PCDHGB2: variants seen among roughly 807,000 people sequenced by gnomAD.
PCDHGB2 encodes protocadherin gamma subfamily B, 2, also known as protocadherin gamma-B2.
A neutral mutation model predicts 59.3 loss-of-function variants in PCDHGB2; 55 were observed. The observed-to-expected ratio is 0.93, with a 90% CI of 0.75 to 1.16. The LOEUF is 1.16. Among genes scored for constraint, PCDHGB2 ranks in the 50% most tolerant of loss-of-function variants. The pLI is 0.00. For synonymous variants in PCDHGB2, 516 were observed against 512.0 expected, an observed-to-expected ratio of 1.01 and a Z score of -0.11; for missense variants, 1,228 against 1,198.5, an observed-to-expected ratio of 1.02 and a Z score of -0.36.
At chr5:141,468,346 A>AG (rs2099164784) in intron 1 of PCDHGB2, 33 of 147,324 alleles carry the variant, frequency 2.2e-4, no homozygotes, top group Middle Eastern at 6.9e-3. Flanking sequence ...AAAAAAAAAA[A>AG]AAAGAAAGAA....
intron 1 of PCDHGB2, chr5:141,378,091 TC>T (rs1774623141): frequency 6.6e-6 from 1 of 152,230 alleles, no homozygotes; most frequent in African/African-American, 2.4e-5. Flanking sequence ...TAACTTTTTT[TC>T]AAACTCTAAA....
At chr5:141,385,260 A>G (rs1337413063) in intron 1 of PCDHGB2, 1 of 1,613,648 alleles carries the variant, frequency 6.2e-7, no homozygotes, top group African/African-American at 1.3e-5. Flanking sequence ...GCTGTGAGAA[A>G]AATGATTCTT....
At chr5:141,419,808 G>A in intron 1 of PCDHGB2, 2 of 1,614,066 alleles carry the variant, frequency 1.2e-6, no homozygotes, top group Non-Finnish European at 8.5e-7. Flanking sequence ...AGAGATGGAG[G>A]ACAGCCACCC....
rs776269447 is a variant in PCDHGB2, at chr5:141,361,591, C to T, written c.1456C>T (p.Gln486Ter). Residue 486 changes from glutamine to a stop codon, truncating the protein, a stop_gained, in exon 1 of 4, where the codon CAA becomes TAA. Transcript: ENST00000522605. LOFTEE classifies it high-confidence loss of function. Reference protein sequence around the residue: ...ASDPDLGPSGQVSYSIVASDL... With the variant: ...ASDPDLGPSG Reference sequence around the variant, plus strand: ...TGACCCTGACTTGGGCCCCAGTGGCCAAGTTTCCTACTCCATCGTAGCGAG... The same window carrying T: ...TGACCCTGACTTGGGCCCCAGTGGCTAAGTTTCCTACTCCATCGTAGCGAG... 1.9e-6 allele frequency: 3 copies of T among 1,614,050 alleles called. No individual in the cohort carries two copies. Among genetic ancestry groups the T allele is most frequent in the South Asian group, 1.1e-5 (1 of 91,086 alleles).
At chr5:141,510,169 A>G (rs927072830) in intron 3 of PCDHGB2, among the ~76,000 whole-genome samples, 7 of 151,230 alleles carry the variant, frequency 4.6e-5, no homozygotes, top group Non-Finnish European at 1.0e-4. Context: ...GCTACTCAGG[A>G]GGTTGAGGCA....
At chr5:141,395,088 C>G (rs778953049) in intron 1 of PCDHGB2, 31 of 1,614,076 alleles carry the variant, frequency 1.9e-5, no homozygotes, top group East Asian at 6.7e-5. Flanking sequence ...GGAAGTCTCC[C>G]TCACCGCCGA....
chr5:141,374,945 A>G, intron 1 of PCDHGB2: 1 of 1,614,034 alleles, frequency 6.2e-7, no homozygotes, highest in Non-Finnish European at 8.5e-7. Flanking sequence ...TACAGAAAAG[A>G]TCTCACAAAT....
rs974732178 is a variant in PCDHGB2 at position 141,374,708 on chromosome 5, C to A, written c.2421+12152C>A. On this transcript the variant is annotated intron_variant, in intron 1 of 3. Coordinates refer to ENST00000522605, the MANE Select transcript of PCDHGB2 (RefSeq NM_018923.3). ...GGACCGGGAAGGAGAAGCCGTTTACCGCCTGGTCCTTACTGCCATGGATGG... is the reference window on the plus strand; with the variant it reads ...GGACCGGGAAGGAGAAGCCGTTTACAGCCTGGTCCTTACTGCCATGGATGG... 1.8e-5 allele frequency: 29 copies of A among 1,609,028 alleles called. No individual in the cohort carries two copies. In the Admixed American group the frequency reaches 3.1e-4, roughly 17 times the overall value.
chr5:141,455,140 A>G (rs1465733732), intron 1 of PCDHGB2, among the ~76,000 whole-genome samples: 1 of 150,512 alleles, frequency 6.6e-6, no homozygotes, highest in Non-Finnish European at 1.5e-5. Context: ...ACACTGTGTT[A>G]AATAAATATT....
At chr5:141,395,620 CAAG>C (rs1298520628) in intron 1 of PCDHGB2, 1 of 189,326 alleles carries the variant, frequency 5.3e-6, no homozygotes, top group Non-Finnish European at 1.1e-5. Flanking sequence ...AGAAAATTAT[CAAG>C]AAGTCTAAAG....
chr5:141,399,274 C>T, intron 1 of PCDHGB2: 1 of 1,613,848 alleles, frequency 6.2e-7, no homozygotes, highest in Non-Finnish European at 8.5e-7. Context: ...TTGTCAATTA[C>T]AAGGCGAAGT....
At chr5:141,414,059 A>C (rs1008514691) in intron 1 of PCDHGB2, 1 of 1,609,440 alleles carries the variant, frequency 6.2e-7, no homozygotes, top group East Asian at 2.2e-5. Flanking sequence ...CAATTGTTGA[A>C]GTTCCAACTA....
rs1591227595 is a variant in PCDHGB2 at position 141,432,858 on chromosome 5, T to C, written c.2422-61949T>C. ...TACCTGGTGGTAGCGGTGGCCGCGG[T>C]CTCCTGCGTCTTCCTGGCCTTCGTC... On this transcript the variant is annotated intron_variant, in intron 1 of 3. Coordinates refer to ENST00000522605, the MANE Select transcript of PCDHGB2 (RefSeq NM_018923.3). This position sits in a 1 kb window ranked among gnomAD's most constrained non-coding sequence, Gnocchi z 6.0. The C allele has an allele frequency of 1.2e-6, 2 of 1,614,140 alleles. No individual in the cohort carries two copies. Among genetic ancestry groups the C allele is most frequent in the Non-Finnish European group, 8.5e-7 (1 of 1,179,996 alleles).
At position 141,418,775 on chromosome 5, in the gene PCDHGB2, C is replaced by T. The variant is rs773519128; in HGVS notation, c.2421+56219C>T. 4 of 1,613,764 alleles carry T rather than the reference C, an allele frequency of 2.5e-6. No individual in the cohort carries two copies. In the East Asian group the frequency reaches 6.7e-5, roughly 27 times the overall value. ...TACAGGAAACATTCTAACTCAGCAG[C>T]CTTTGGATTTTGAAGAAGTAGAAAG... On this transcript the variant is annotated intron_variant, in intron 1 of 3. Transcript: ENST00000522605.
At chr5:141,435,728 A>T (rs549219746) in intron 1 of PCDHGB2, among the ~76,000 whole-genome samples, 1 of 152,200 alleles carries the variant, frequency 6.6e-6, no homozygotes, top group Non-Finnish European at 1.5e-5. Flanking sequence ...GCTAAAGTGT[A>T]TTACTCTTTG....
intron 1 of PCDHGB2, chr5:141,421,025 A>G: frequency 5.7e-6 from 3 of 526,286 alleles, no homozygotes; most frequent in East Asian, 3.2e-5. Context: ...GCTGCGCGCC[A>G]TTGAGTCCCT....
chr5:141,392,914 C>G (rs2092626800), intron 1 of PCDHGB2: 1 of 1,613,786 alleles, frequency 6.2e-7, no homozygotes. Context: ...ATTCGCTACT[C>G]TGTGCCAGAA....
chr5:141,494,074 C>A (rs2099751716), intron 1 of PCDHGB2, among the ~76,000 whole-genome samples: 1 of 152,180 alleles, frequency 6.6e-6, no homozygotes, highest in Non-Finnish European at 1.5e-5. Context: ...GGATCCCTCC[C>A]CGCTGCATCC....
chr5:141,495,892 TTGTCTC>T (rs1035324353), intron 2 of PCDHGB2, among the ~76,000 whole-genome samples: 1 of 152,198 alleles, frequency 6.6e-6, no homozygotes, highest in Admixed American at 6.5e-5. Flanking sequence ...TTGTCTCTCT[TTGTCTC>T]TGTCTCTGTA....
Sources: allele counts gnomAD v4.1 joint callset (sites outside exome capture counted in the v4.1 genomes callset), GRCh38; gene constraint gnomAD v4.1.1; non-coding constraint Gnocchi (gnomAD v3.1); transcripts MANE v1.5; gene names NCBI Gene and HGNC (gene_info 2026-07-23, HGNC 2026-07-21).